Variants in DIAPH3 observed in about 807,000 individuals in gnomAD.
DIAPH3 encodes the protein protein diaphanous homolog 3.
DIAPH3 carries 117 observed loss-of-function variants against 144.3 expected under a neutral mutation model. The observed-to-expected ratio is 0.81, with a 90% CI of 0.70 to 0.95. The LOEUF is 0.95. Among genes scored for constraint, DIAPH3 ranks in the 40% least tolerant of loss-of-function variants. The pLI, the probability that DIAPH3 is intolerant of heterozygous loss-of-function variation, is 0.00. For missense variants in DIAPH3, 1,421 were observed against 1,412.7 expected (o/e 1.01, Z -0.09); for synonymous variants, 519 against 488.9 (o/e 1.06, Z -0.81).
rs552517796 is a variant in DIAPH3 at position 59,835,468 on chromosome 13, G to A, written c.2863-2197C>T. Among the ~76,000 whole-genome samples, 4 of 151,882 alleles carry A rather than the reference G, an allele frequency of 2.6e-5. No individual in the cohort carries two copies. The South Asian group carries it at 8.3e-4, about 32-fold the overall frequency. Reference sequence around the variant, plus strand: ...ACAACAGAGGCTTGACTGTTAAAGAGCAGTGAGCTGTCCATTGGGTAGTAC... The same window carrying A: ...ACAACAGAGGCTTGACTGTTAAAGAACAGTGAGCTGTCCATTGGGTAGTAC... On this transcript the variant is annotated intron_variant, in intron 23 of 27. Transcript: ENST00000400324.
chr13:59,941,480 T>C (rs1002697758), intron 17 of DIAPH3, among the ~76,000 whole-genome samples: 1 of 152,042 alleles, frequency 6.6e-6, no homozygotes, highest in Non-Finnish European at 1.5e-5. Context: ...AAAGAGATAT[T>C]AGAGACCCCC....
At chr13:59,851,055 C>T (rs891870251) in intron 22 of DIAPH3, among the ~76,000 whole-genome samples, 3 of 150,156 alleles carry the variant, frequency 2.0e-5, no homozygotes, top group South Asian at 2.2e-4. Flanking sequence ...ATACCAAAGC[C>T]GGGCAGAGAC....
At chr13:60,066,672 G>A (rs897979403) in intron 4 of DIAPH3, among the ~76,000 whole-genome samples, 6 of 152,110 alleles carry the variant, frequency 3.9e-5, no homozygotes, top group Non-Finnish European at 2.9e-5. Flanking sequence ...CTACATTCCA[G>A]GCTGAGATTA....
intron 27 of DIAPH3, among the ~76,000 whole-genome samples, chr13:59,681,588 A>G (rs1197316074): frequency 6.6e-6 from 1 of 151,858 alleles, no homozygotes; most frequent in African/African-American, 2.4e-5. Flanking sequence ...TATTAATAAA[A>G]TAACTGTTTT....
At chr13:59,692,137 CTTTTTTTTTTTT>C (rs56205887) in intron 27 of DIAPH3, among the ~76,000 whole-genome samples, 3 of 58,178 alleles carry the variant, frequency 5.2e-5, no homozygotes, top group Non-Finnish European at 6.5e-5. Context: ...TTGAGAAATT[CTTTTTTTTTTTT>C]TTTTTTTTTT....
rs2080400189 is a variant in DIAPH3, at chr13:59,667,688, T to C, written c.3320-842A>G. Reference sequence around the variant, plus strand: ...ATATACATACACACATACATTCTTTTATTGGTAAGTGATGGTAATGATGAC... The same window carrying C: ...ATATACATACACACATACATTCTTTCATTGGTAAGTGATGGTAATGATGAC... On this transcript the variant is annotated intron_variant, in intron 27 of 27. Transcript: ENST00000400324. 4.6e-5 allele frequency among the ~76,000 whole-genome samples: 7 copies of C among 152,358 alleles called. No homozygotes were observed. The South Asian group carries it at 1.4e-3, about 32-fold the overall frequency.
chr13:59,791,551 C>T (rs1194040307), intron 25 of DIAPH3, among the ~76,000 whole-genome samples: 1 of 152,102 alleles, frequency 6.6e-6, no homozygotes, highest in Non-Finnish European at 1.5e-5. Context: ...GATTTGATAT[C>T]TTTCTGATTC....
intron 9 of DIAPH3, among the ~76,000 whole-genome samples, chr13:60,003,770 C>T (rs926115260): frequency 8.6e-5 from 13 of 151,494 alleles, no homozygotes; most frequent in East Asian, 1.9e-4. Flanking sequence ...TTAGTAGAGA[C>T]GGGGTTTCAC....
At chr13:59,811,897 T>C (rs1033654210) in intron 24 of DIAPH3, among the ~76,000 whole-genome samples, 2 of 152,132 alleles carry the variant, frequency 1.3e-5, no homozygotes, top group Admixed American at 1.3e-4. Flanking sequence ...CATCAAGAAA[T>C]ACCTCTCATG....
At chr13:60,064,348 A>T (rs1360495197) in intron 4 of DIAPH3, among the ~76,000 whole-genome samples, 1 of 152,222 alleles carries the variant, frequency 6.6e-6, no homozygotes, top group Non-Finnish European at 1.5e-5. Flanking sequence ...CTATATTGAA[A>T]ATCTGTTGTT....
At chr13:59,703,854 A>C (rs1467889996) in intron 27 of DIAPH3, among the ~76,000 whole-genome samples, 5 of 152,156 alleles carry the variant, frequency 3.3e-5, no homozygotes, top group Non-Finnish European at 7.4e-5. Flanking sequence ...TAAAAAGAAA[A>C]CAAAAACCTA....
intron 20 of DIAPH3, among the ~76,000 whole-genome samples, chr13:59,899,401 GGACCTGTGAAAAAA>G: frequency 6.6e-6 from 1 of 152,286 alleles, no homozygotes; most frequent in Middle Eastern, 3.4e-3. Flanking sequence ...CTTCCACAAA[GGACCTGTGAAAAAA>G]GACCAGAAAG....
chr13:60,005,756 C>T (rs1283368541), intron 9 of DIAPH3, among the ~76,000 whole-genome samples: 6 of 152,284 alleles, frequency 3.9e-5, no homozygotes, highest in African/African-American at 1.4e-4. Context: ...GCTAGGATTA[C>T]AGGCATGAGC....
At chr13:59,942,437 T>A (rs998511593) in intron 17 of DIAPH3, among the ~76,000 whole-genome samples, 4 of 152,152 alleles carry the variant, frequency 2.6e-5, no homozygotes, top group African/African-American at 9.6e-5. Flanking sequence ...CATCAAAATA[T>A]ATAAGGATTT....
intron 1 of DIAPH3, among the ~76,000 whole-genome samples, chr13:60,133,413 A>C (rs986637148): frequency 6.6e-6 from 1 of 152,142 alleles, no homozygotes; most frequent in African/African-American, 2.4e-5. Flanking sequence ...AAAATTTTTC[A>C]TATTATAGAA....
rs191473038 is a variant in DIAPH3, at chr13:59,777,150, G to T, written c.3164-2327C>A. 2.4e-4 allele frequency among the ~76,000 whole-genome samples: 37 copies of T among 152,238 alleles called. 1 individual carries two copies. Among genetic ancestry groups the T allele is most frequent in the Non-Finnish European group, 5.9e-5 (4 of 67,972 alleles). On this transcript the variant is annotated intron_variant, in intron 25 of 27. Coordinates refer to ENST00000400324, the MANE Select transcript of DIAPH3 (RefSeq NM_001042517.2). ...TGATTCTAGAACTGAGGCCAAGAAAGTGTGAAATGAGTCAGAAACATATTG... is the reference window on the plus strand; with the variant it reads ...TGATTCTAGAACTGAGGCCAAGAAATTGTGAAATGAGTCAGAAACATATTG...
intron 5 of DIAPH3, chr13:60,021,124 G>C (rs1459299598): frequency 6.6e-6 from 1 of 152,206 alleles, no homozygotes; most frequent in Non-Finnish European, 1.5e-5. Flanking sequence ...CCCACCAAAA[G>C]ATCTGCACAT....
At chr13:59,742,490 C>T (rs2036505784) in intron 27 of DIAPH3, among the ~76,000 whole-genome samples, 2 of 151,702 alleles carry the variant, frequency 1.3e-5, no homozygotes, top group Admixed American at 1.3e-4. Flanking sequence ...TTATGACTTA[C>T]CTTAGATCAA....
chr13:59,976,250 C>T (rs1759206637), intron 14 of DIAPH3, among the ~76,000 whole-genome samples: 1 of 151,960 alleles, frequency 6.6e-6, no homozygotes, highest in Non-Finnish European at 1.5e-5. Context: ...TTACCAAATT[C>T]CAATTCCAGA....
Sources: gnomAD v4.1 joint callset for allele counts (sites outside exome capture counted in the v4.1 genomes callset) on GRCh38, gnomAD v4.1.1 for gene constraint, MANE v1.5 for transcripts, NCBI Gene and HGNC (gene_info 2026-07-23, HGNC 2026-07-21) for gene names.